The following ZNF410 variants were observed in gnomAD, a reference collection of about 807,000 sequenced individuals.
The protein encoded by ZNF410 is zinc finger protein 410.
ZNF410 carries 18 observed loss-of-function variants against 54.8 expected under a neutral mutation model. That is an observed-to-expected ratio of 0.33 (90% CI 0.23 to 0.49). The LOEUF (loss-of-function observed/expected upper bound fraction) is 0.49, where lower values mean the gene tolerates loss of function less well. Among genes scored for constraint, ZNF410 ranks in the 20% least tolerant of loss-of-function variants. The pLI, the probability that ZNF410 is intolerant of heterozygous loss-of-function variation, is 0.99. For synonymous variants in ZNF410, 191 were observed against 207.3 expected, an observed-to-expected ratio of 0.92 and a Z score of 0.68; for missense variants, 405 against 569.6, an observed-to-expected ratio of 0.71 and a Z score of 2.94.
At chr14:73,889,246 T>C (rs11626889) in intron 1 of ZNF410, among the ~76,000 whole-genome samples, 74,313 of 151,604 alleles carry the variant, frequency 0.49, 18,423 homozygotes, top group South Asian at 0.61. Flanking sequence ...GTGATCACTG[T>C]TCAGTGCAGC....
chr14:73,900,650 C>G (rs567563346), intron 5 of ZNF410, among the ~76,000 whole-genome samples: 68 of 152,306 alleles, frequency 4.5e-4, no homozygotes, highest in African/African-American at 1.6e-3. Flanking sequence ...GCTGGGATTA[C>G]ATGCGTGAGC....
In ZNF410 at chr14:73,892,120, C is replaced by G. The variant is rs762933624; in HGVS notation, c.-56C>G. On this transcript the variant is annotated 5_prime_UTR_variant, in exon 2 of 12. Transcript: ENST00000555044. ...ACATAACAGGAAGGTATCATTGGCT[C>G]TGAATTAAATTTGAACTTGTCCCCT... 1 of 1,583,480 alleles carries G rather than the reference C, an allele frequency of 6.3e-7. No individual in the cohort carries two copies. Among genetic ancestry groups the G allele is most frequent in the Admixed American group, 1.7e-5 (1 of 59,946 alleles).
chr14:73,900,996 A>AT (rs1443573370), intron 5 of ZNF410, among the ~76,000 whole-genome samples: 1 of 152,198 alleles, frequency 6.6e-6, no homozygotes, highest in East Asian at 1.9e-4. Context: ...ATTTTAATGC[A>AT]TTTTTAACAT....
intron 8 of ZNF410, among the ~76,000 whole-genome samples, chr14:73,910,102 T>C (rs1355768807): frequency 6.6e-6 from 1 of 152,178 alleles, no homozygotes; most frequent in Non-Finnish European, 1.5e-5. Flanking sequence ...ACTTTTTTCC[T>C]GTAGGACATG....
chr14:73,908,058 G>C (rs2055518946), intron 7 of ZNF410, among the ~76,000 whole-genome samples: 1 of 152,108 alleles, frequency 6.6e-6, no homozygotes, highest in South Asian at 2.1e-4. Flanking sequence ...GATTTTTAGA[G>C]AGATTAAACA....
intron 11 of ZNF410, among the ~76,000 whole-genome samples, chr14:73,930,696 G>A (rs561090376): frequency 6.6e-6 from 1 of 152,160 alleles, no homozygotes; most frequent in South Asian, 2.1e-4. Context: ...TTGAACTCCT[G>A]GGCTCAAGTG....
intron 7 of ZNF410, among the ~76,000 whole-genome samples, chr14:73,905,968 C>CATATATATATATATATATATATATAT (rs375039083): frequency 3.8e-5 from 3 of 78,940 alleles, no homozygotes; most frequent in African/African-American, 1.3e-4. Context: ...CACACACACA[C>CATATATATATATATATATATATATAT]ATATATATAT....
chr14:73,889,033 T>C (rs1203373565), intron 1 of ZNF410, among the ~76,000 whole-genome samples: 2 of 152,180 alleles, frequency 1.3e-5, no homozygotes, highest in Admixed American at 6.5e-5. Context: ...ATAGATAACA[T>C]AAAAAGGACA....
chr14:73,896,261 G>T, intron 3 of ZNF410, 55 bp from the exon 4 acceptor site: 1 of 1,345,582 alleles, frequency 7.4e-7, no homozygotes, highest in South Asian at 1.2e-5. Flanking sequence ...GTATCAAAAT[G>T]GTGGGCTCCT....
At chr14:73,926,585 C>T (rs1356112729) in intron 11 of ZNF410, among the ~76,000 whole-genome samples, 1 of 152,132 alleles carries the variant, frequency 6.6e-6, no homozygotes, top group Admixed American at 6.6e-5. Context: ...CAGGCACCTG[C>T]CACCAAGCCC....
At chr14:73,897,357 A>C (rs1470376775) in intron 4 of ZNF410, among the ~76,000 whole-genome samples, 1 of 152,202 alleles carries the variant, frequency 6.6e-6, no homozygotes, top group Non-Finnish European at 1.5e-5. Context: ...GGGGTTTTCT[A>C]ATTCTTTTTA....
intron 8 of ZNF410, among the ~76,000 whole-genome samples, chr14:73,918,900 G>A (rs555824896): frequency 5.2e-4 from 76 of 147,052 alleles, no homozygotes; most frequent in Admixed American, 9.6e-4. Flanking sequence ...GGGTTTCACC[G>A]TGTTAGCCAG....
In ZNF410 at chr14:73,931,770, C is replaced by A; in HGVS notation, c.*229C>A. 3.7e-6 allele frequency: 2 copies of A among 535,168 alleles called. No homozygotes were observed. Among genetic ancestry groups the A allele is most frequent in the Non-Finnish European group, 3.4e-6 (1 of 294,094 alleles). The allele number at this position is 535,168 out of a possible 1,614,324, so 33.2% of individuals were successfully genotyped here. On this transcript the variant is annotated 3_prime_UTR_variant, in exon 12 of 12. Coordinates refer to ENST00000555044, the MANE Select transcript of ZNF410 (RefSeq NM_021188.3). ...GAAGCAATGACTGTGGGCTGGGAAA[C>A]TGTACCTACCTCTCTTCCCACTGCA...
At position 73,896,338 on chromosome 14, in the gene ZNF410, C is replaced by T. The variant is rs1231044253; in HGVS notation, c.192C>T (p.Asn64=). ...MLPDDTTNHS[N]SSKEVPSSAV... Reference sequence around the variant, plus strand: ...TAGATGATACTACAAATCATTCTAACTCCTCCAAGGAGGTCCCTTCCTCAG... The same window carrying T: ...TAGATGATACTACAAATCATTCTAATTCCTCCAAGGAGGTCCCTTCCTCAG... Residue 64 remains asparagine (N), a synonymous_variant, in exon 4 of 12, where the codon AAC becomes AAT. Coordinates refer to ENST00000555044, the MANE Select transcript of ZNF410 (RefSeq NM_021188.3). 6.2e-7 allele frequency: 1 copy of T among 1,613,980 alleles called. No individual in the cohort carries two copies. Among genetic ancestry groups the T allele is most frequent in the East Asian group, 2.2e-5 (1 of 44,884 alleles).
chr14:73,897,330 T>C (rs972579685), intron 4 of ZNF410, among the ~76,000 whole-genome samples: 5 of 152,064 alleles, frequency 3.3e-5, no homozygotes, highest in African/African-American at 9.7e-5. Flanking sequence ...AGAAGGTAAA[T>C]AGCTAGAGAA....
chr14:73,930,049 CA>C (rs1436815296), intron 11 of ZNF410, among the ~76,000 whole-genome samples: 1 of 152,128 alleles, frequency 6.6e-6, no homozygotes, highest in African/African-American at 2.4e-5. Context: ...TTCTTGAACT[CA>C]AGAACCAGTA....
chr14:73,922,521 T>C (rs2140325118), intron 10 of ZNF410: 1 of 176,180 alleles, frequency 5.7e-6, no homozygotes, highest in East Asian at 1.4e-4. Flanking sequence ...TTTAGAACAT[T>C]TAAACAGAAC....
intron 4 of ZNF410, among the ~76,000 whole-genome samples, chr14:73,897,037 C>G (rs1036359245): frequency 6.6e-6 from 1 of 152,058 alleles, no homozygotes; most frequent in Non-Finnish European, 1.5e-5. Flanking sequence ...GAAGGAGCAG[C>G]TGGAAGGGGA....
intron 8 of ZNF410, chr14:73,920,706 T>C (rs2055742878): frequency 3.1e-6 from 1 of 319,278 alleles, no homozygotes; most frequent in African/African-American, 2.1e-5. Flanking sequence ...GTGGTTGCCA[T>C]GGTCCTATAC....
Sources: allele counts gnomAD v4.1 joint callset (sites outside exome capture counted in the v4.1 genomes callset), GRCh38; gene constraint gnomAD v4.1.1; transcripts MANE v1.5; gene names NCBI Gene and HGNC (gene_info 2026-07-23, HGNC 2026-07-21).